LCLAT1: variants seen among roughly 807,000 people sequenced by gnomAD.
LCLAT1 encodes the protein 1-AGP acyltransferase 8.
LCLAT1 carries 11 observed loss-of-function variants against 30.7 expected under a neutral mutation model. That is an observed-to-expected ratio of 0.36 (90% CI 0.23 to 0.59). LCLAT1 has a LOEUF of 0.59. Among genes scored for constraint, LCLAT1 ranks in the 20% least tolerant of loss-of-function variants. The pLI, the probability that LCLAT1 is intolerant of heterozygous loss-of-function variation, is 0.77. For synonymous variants in LCLAT1, 155 were observed against 151.3 expected (o/e 1.02, Z -0.18); for missense variants, 402 against 458.6 (o/e 0.88, Z 1.13).
intron 5 of LCLAT1, among the ~76,000 whole-genome samples, chr2:30,625,017 A>G (rs1668438464): frequency 6.6e-6 from 1 of 152,168 alleles, no homozygotes; most frequent in Non-Finnish European, 1.5e-5. Flanking sequence ...AATGATTATC[A>G]GGTCAACAAT....
intron 5 of LCLAT1, among the ~76,000 whole-genome samples, chr2:30,617,290 T>A (rs145024446): frequency 4.3e-4 from 65 of 152,330 alleles, no homozygotes; most frequent in African/African-American, 1.4e-3. Flanking sequence ...TTATATAGTA[T>A]GTGGTCATCT....
At chr2:30,602,808 G>T (rs1006870689) in intron 5 of LCLAT1, among the ~76,000 whole-genome samples, 3 of 152,122 alleles carry the variant, frequency 2.0e-5, no homozygotes, top group Admixed American at 6.6e-5. Context: ...CTTCACACTA[G>T]CTCAGTATTA....
intron 1 of LCLAT1, among the ~76,000 whole-genome samples, chr2:30,496,321 T>A (rs533161304): frequency 6.6e-6 from 1 of 152,230 alleles, no homozygotes; most frequent in South Asian, 2.1e-4. Context: ...AATTAGTTGG[T>A]TGGGGGAATC....
chr2:30,602,072 TC>T (rs1667219402), intron 5 of LCLAT1, among the ~76,000 whole-genome samples: 1 of 152,144 alleles, frequency 6.6e-6, no homozygotes, highest in South Asian at 2.1e-4. Context: ...TGGTTGTTTT[TC>T]ATCCAGCTTC....
intron 2 of LCLAT1, among the ~76,000 whole-genome samples, chr2:30,527,558 G>T (rs530733186): frequency 1.3e-5 from 2 of 152,290 alleles, no homozygotes; most frequent in Middle Eastern, 3.4e-3. Flanking sequence ...AGCATAAGCA[G>T]AGTGCTTATT....
chr2:30,517,252 G>T (rs1176420452), intron 1 of LCLAT1, among the ~76,000 whole-genome samples: 1 of 152,140 alleles, frequency 6.6e-6, no homozygotes, highest in Non-Finnish European at 1.5e-5. Context: ...TCTCCAAAGG[G>T]ATCTAGAGAA....
intron 1 of LCLAT1, among the ~76,000 whole-genome samples, chr2:30,513,121 T>G (rs1231772706): frequency 6.6e-6 from 1 of 152,078 alleles, no homozygotes; most frequent in African/African-American, 2.4e-5. Flanking sequence ...TCTAATGAGA[T>G]AGAAGGAAAA....
intron 1 of LCLAT1, among the ~76,000 whole-genome samples, chr2:30,524,788 C>T (rs778429995): frequency 7.2e-5 from 11 of 152,086 alleles, no homozygotes; most frequent in South Asian, 2.1e-4. Context: ...TCTCTCACCA[C>T]GCCTAATTTG....
intron 1 of LCLAT1, among the ~76,000 whole-genome samples, chr2:30,518,323 T>A (rs1297050816): frequency 2.0e-5 from 3 of 152,008 alleles, no homozygotes; most frequent in African/African-American, 7.3e-5. Flanking sequence ...TCCTCCCGGG[T>A]GATTGAGGGA....
chr2:30,587,764 A>G (rs1183986506), intron 5 of LCLAT1, among the ~76,000 whole-genome samples: 1 of 151,802 alleles, frequency 6.6e-6, no homozygotes, highest in African/African-American at 2.4e-5. Flanking sequence ...TGTTTATGGT[A>G]CCTTTTTTTT....
intron 3 of LCLAT1, among the ~76,000 whole-genome samples, chr2:30,550,568 A>G (rs1162058043): frequency 6.6e-6 from 1 of 152,242 alleles, no homozygotes; most frequent in Non-Finnish European, 1.5e-5. Flanking sequence ...GCTTGGGGGA[A>G]GAATACTGTA....
chr2:30,629,572 A>T (rs1205730124), intron 5 of LCLAT1, among the ~76,000 whole-genome samples: 4 of 152,174 alleles, frequency 2.6e-5, no homozygotes, highest in Admixed American at 1.3e-4. Flanking sequence ...AAAAACAAAA[A>T]AAAATTATAT....
chr2:30,610,774 C>A (rs1008087573), intron 5 of LCLAT1, among the ~76,000 whole-genome samples: 2 of 152,064 alleles, frequency 1.3e-5, no homozygotes, highest in Admixed American at 6.6e-5. Flanking sequence ...CATTTAATGT[C>A]TTTTCTGTTT....
At chr2:30,557,640 C>G (rs1664990525) in intron 3 of LCLAT1, among the ~76,000 whole-genome samples, 1 of 152,072 alleles carries the variant, frequency 6.6e-6, no homozygotes, top group Non-Finnish European at 1.5e-5. Context: ...GTCTCGAACT[C>G]CTGACCTCAG....
At chr2:30,499,305 C>T (rs536709816) in intron 1 of LCLAT1, among the ~76,000 whole-genome samples, 10 of 152,234 alleles carry the variant, frequency 6.6e-5, no homozygotes, top group East Asian at 3.9e-4. Context: ...CTCAGCCTCC[C>T]GAGTAGCTGG....
At chr2:30,525,982 CAG>C (rs1315605185) in intron 2 of LCLAT1, among the ~76,000 whole-genome samples, 4 of 152,050 alleles carry the variant, frequency 2.6e-5, no homozygotes, top group African/African-American at 9.7e-5. Flanking sequence ...TAGGGAATGA[CAG>C]GGAAAAAAAA....
chr2:30,584,314 TA>T (rs1168459413), intron 5 of LCLAT1, among the ~76,000 whole-genome samples: 1 of 152,232 alleles, frequency 6.6e-6, no homozygotes, highest in Non-Finnish European at 1.5e-5. Context: ...TTCCTTTTTT[TA>T]CCCGCACTCA....
At chr2:30,590,811 A>G (rs1003843990) in intron 5 of LCLAT1, among the ~76,000 whole-genome samples, 1 of 152,084 alleles carries the variant, frequency 6.6e-6, no homozygotes, top group African/African-American at 2.4e-5. Context: ...AAATAAAACA[A>G]AGTTCAAAGG....
intron 5 of LCLAT1, among the ~76,000 whole-genome samples, chr2:30,569,441 CAG>C (rs1345516959): frequency 1.3e-5 from 2 of 152,170 alleles, no homozygotes; most frequent in Non-Finnish European, 1.5e-5. Flanking sequence ...AGTCAACTAA[CAG>C]AAGTGTGTTT....
Sources: gnomAD v4.1 joint callset for allele counts (sites outside exome capture counted in the v4.1 genomes callset) on GRCh38, gnomAD v4.1.1 for gene constraint, MANE v1.5 for transcripts, NCBI Gene and HGNC (gene_info 2026-07-23, HGNC 2026-07-21) for gene names.